Variants in HECW1 observed in about 807,000 individuals in gnomAD.
HECW1 encodes HECT, C2 and WW domain containing E3 ubiquitin protein ligase 1, also known as E3 ubiquitin-protein ligase HECW1.
HECW1 carries 61 observed loss-of-function variants against 182.3 expected under a neutral mutation model. The ratio of observed to expected loss-of-function variants is 0.33; its 90% CI spans 0.27 to 0.41. The LOEUF is 0.41. Ranked by LOEUF, HECW1 falls within the 10% of genes least tolerant of loss-of-function variation. HECW1 has a pLI of 1.00. For synonymous variants in HECW1, 859 were observed against 832.6 expected (o/e 1.03, Z -0.55); for missense variants, 1,739 against 2,108.9 (o/e 0.82, Z 3.44).
chr7:43,181,195 C>A (rs935511838), intron 2 of HECW1, among the ~76,000 whole-genome samples: 7 of 150,850 alleles, frequency 4.6e-5, no homozygotes, highest in African/African-American at 1.7e-4. Context: ...TTTTTTATGG[C>A]TGAATAGTAT....
intron 4 of HECW1, among the ~76,000 whole-genome samples, chr7:43,319,605 T>C (rs1474929837): frequency 9.9e-6 from 1 of 101,314 alleles, no homozygotes. Context: ...TCTTTTCTTT[T>C]TTTTTTTTTT....
chr7:43,380,227 A>T (rs1484933732), intron 6 of HECW1, among the ~76,000 whole-genome samples: 1 of 152,010 alleles, frequency 6.6e-6, no homozygotes, highest in East Asian at 1.9e-4. Flanking sequence ...TAATATTTTT[A>T]AAAATTTTTA....
chr7:43,252,376 T>G (rs923614574), intron 3 of HECW1, among the ~76,000 whole-genome samples: 82 of 152,194 alleles, frequency 5.4e-4, no homozygotes, highest in African/African-American at 1.9e-3. Flanking sequence ...TAGGGCCATG[T>G]GTACTTACAC....
At chr7:43,376,571 A>C (rs190870526) in intron 6 of HECW1, among the ~76,000 whole-genome samples, 1 of 152,174 alleles carries the variant, frequency 6.6e-6, no homozygotes, top group African/African-American at 2.4e-5. Context: ...AAGGATAAAA[A>C]ATTTCAAATA....
chr7:43,476,691 T>C (rs924504370), intron 16 of HECW1, among the ~76,000 whole-genome samples: 1 of 152,134 alleles, frequency 6.6e-6, no homozygotes, highest in East Asian at 1.9e-4. Context: ...AATGTATTTA[T>C]AATAAAACAA....
At chr7:43,229,492 G>A (rs1322626776) in intron 2 of HECW1, among the ~76,000 whole-genome samples, 2 of 144,172 alleles carry the variant, frequency 1.4e-5, no homozygotes, top group Non-Finnish European at 2.9e-5. Context: ...GAGAGTGGGA[G>A]GGGGAGGGGA....
At position 43,479,685 on chromosome 7, in the gene HECW1, C is replaced by T; in HGVS notation, c.3175C>T (p.Pro1059Ser). The change falls in exon 17 of 30, where the codon CCC becomes TCC. Residue 1059 changes from proline (P) to serine (S), a missense_variant. Transcript: ENST00000395891. ...AATCCCTCTTCAGAACGGTCGTCTT[C>T]CCAATCATCTAACTCACCGACAGCA... Reference protein sequence around the residue: ...PRIPLQNGRLPNHLTHRQHLQ... With the variant: ...PRIPLQNGRLSNHLTHRQHLQ... The T allele has an allele frequency of 6.2e-7, 1 of 1,614,098 alleles. No individual in the cohort carries two copies.
chr7:43,260,589 A>G (rs1335475544), intron 3 of HECW1, among the ~76,000 whole-genome samples: 1 of 152,256 alleles, frequency 6.6e-6, no homozygotes, highest in Non-Finnish European at 1.5e-5. Context: ...GAGGCACCAG[A>G]GTAGCTGAGG....
rs1218061576 is a variant in HECW1 at position 43,562,974 on chromosome 7, CT to C, written c.*1055del. 2 of 208,372 alleles carry C rather than the reference CT, an allele frequency of 9.6e-6. No homozygotes were observed. Among genetic ancestry groups the C allele is most frequent in the African/African-American group, 2.3e-5 (1 of 43,898 alleles). The allele number at this position is 208,372 out of a possible 1,614,324, so 12.9% of individuals were successfully genotyped here. ...CTTTTGTTTGCTTGGCAGACAAACC[CT>C]TTTTTTAAAACTTTGATATTTTTTT... On this transcript the variant is annotated 3_prime_UTR_variant, in exon 30 of 30. Transcript: ENST00000395891.
intron 3 of HECW1, among the ~76,000 whole-genome samples, chr7:43,289,773 T>C (rs1189764485): frequency 6.6e-6 from 1 of 152,218 alleles, no homozygotes; most frequent in East Asian, 1.9e-4. Flanking sequence ...TTTGGTTTTA[T>C]ACATTTTAGG....
At chr7:43,127,765 C>G (rs1489233562) in intron 2 of HECW1, among the ~76,000 whole-genome samples, 1 of 152,128 alleles carries the variant, frequency 6.6e-6, no homozygotes, top group Admixed American at 6.5e-5. Flanking sequence ...AAGACACTAT[C>G]TTCAAACATA....
At chr7:43,384,612 G>A (rs911968375) in intron 6 of HECW1, among the ~76,000 whole-genome samples, 1 of 152,150 alleles carries the variant, frequency 6.6e-6, no homozygotes, top group Non-Finnish European at 1.5e-5. Flanking sequence ...GTCAGTGAGG[G>A]GGAAAACGTT....
intron 17 of HECW1, among the ~76,000 whole-genome samples, chr7:43,488,448 G>GAAAGAA (rs1563046078): frequency 2.2e-5 from 3 of 134,894 alleles, no homozygotes; most frequent in African/African-American, 9.0e-5. Context: ...AAGAAAGAAA[G>GAAAGAA]AAAGAAAGAA....
intron 8 of HECW1, among the ~76,000 whole-genome samples, chr7:43,437,046 TAGAATCAAATGA>T (rs1037364511): frequency 3.9e-5 from 6 of 152,156 alleles, no homozygotes; most frequent in African/African-American, 1.4e-4. Context: ...ATGAATACTT[TAGAATCAAATGA>T]AGTAAAATAT....
intron 16 of HECW1, among the ~76,000 whole-genome samples, chr7:43,472,727 C>T (rs2078072216): frequency 6.6e-6 from 1 of 152,072 alleles, no homozygotes; most frequent in South Asian, 2.1e-4. Flanking sequence ...TACACATGTT[C>T]TGGAATGTCT....
intron 3 of HECW1, among the ~76,000 whole-genome samples, chr7:43,256,623 AAAAG>A (rs982050446): frequency 1.3e-5 from 2 of 151,846 alleles, no homozygotes; most frequent in African/African-American, 2.4e-5. Flanking sequence ...AAAAAAAAAA[AAAAG>A]AAAAGAAAAG....
chr7:43,210,148 A>ATCCAGGCAGT (rs1795876555), intron 2 of HECW1, among the ~76,000 whole-genome samples: 1 of 152,136 alleles, frequency 6.6e-6, no homozygotes, highest in African/African-American at 2.4e-5. Flanking sequence ...TTCCCACAGA[A>ATCCAGGCAGT]GGATCCCTGC....
chr7:43,562,692 A>G lies in HECW1; in HGVS notation c.*766A>G, dbSNP rs1200450865. 4.5e-6 allele frequency: 1 copy of G among 224,466 alleles called. No homozygotes were observed. The highest frequency in any genetic ancestry group is 5.7e-5 in the Admixed American group (1 of 17,434). 13.9% of individuals were successfully genotyped at this position (224,466 alleles called of 1,614,324 possible). On this transcript the variant is annotated 3_prime_UTR_variant, in exon 30 of 30. Coordinates refer to ENST00000395891, the MANE Select transcript of HECW1 (RefSeq NM_015052.5). ...GGGAGCATCCCTAGTGAATACTCACACCACAAGAAGGACAAACTTGTGCAC... is the reference window on the plus strand; with the variant it reads ...GGGAGCATCCCTAGTGAATACTCACGCCACAAGAAGGACAAACTTGTGCAC...
At chr7:43,440,612 C>T (rs936090844) in intron 9 of HECW1, 2 of 152,134 alleles carry the variant, frequency 1.3e-5, no homozygotes, top group Admixed American at 6.6e-5. Context: ...AAAAGAAAAG[C>T]CCTGAAAGTA....
Sources: gnomAD v4.1 joint callset for allele counts (sites outside exome capture counted in the v4.1 genomes callset) on GRCh38, gnomAD v4.1.1 for gene constraint, MANE v1.5 for transcripts, NCBI Gene and HGNC (gene_info 2026-07-23, HGNC 2026-07-21) for gene names.